LAMA3: variants seen among roughly 807,000 people sequenced by gnomAD.
LAMA3 encodes laminin subunit alpha 3, also known as laminin subunit alpha-3.
A neutral mutation model predicts 402.0 loss-of-function variants in LAMA3; 281 were observed. The ratio of observed to expected loss-of-function variants is 0.70; its 90% confidence interval spans 0.63 to 0.77. The LOEUF is 0.77. Ranked by LOEUF, LAMA3 falls within the 30% of genes least tolerant of loss-of-function variation. LAMA3 has a pLI of 0.00. For missense variants in LAMA3, 3,840 were observed against 4,215.5 expected (o/e 0.91, Z 2.47); for synonymous variants, 1,431 against 1,558.4 (o/e 0.92, Z 1.93).
intron 2 of LAMA3, among the ~76,000 whole-genome samples, chr18:23,724,216 C>T (rs556671992): frequency 6.6e-6 from 1 of 152,236 alleles, no homozygotes; most frequent in South Asian, 2.1e-4. Context: ...TAATTCATTC[C>T]TTTTTATGGC....
chr18:23,815,588 T>C lies in LAMA3; in HGVS notation c.2047+15T>C. On this transcript the variant is annotated intron_variant, in intron 17 of 74. Transcript: ENST00000313654. ...TGGGTGTCAAGGTAAATAAGTCCATTGGGCCCTGAGCAAAGCACAGTGTTG... is the reference window on the plus strand; with the variant it reads ...TGGGTGTCAAGGTAAATAAGTCCATCGGGCCCTGAGCAAAGCACAGTGTTG... 6.5e-7 allele frequency: 1 copy of C among 1,540,850 alleles called. No individual in the cohort carries two copies. Among genetic ancestry groups the C allele is most frequent in the Non-Finnish European group, 9.0e-7 (1 of 1,113,228 alleles).
chr18:23,773,667 T>C (rs1193914618), intron 9 of LAMA3, 80 bp downstream of exon 9: 11 of 874,302 alleles, frequency 1.3e-5, no homozygotes, highest in Non-Finnish European at 1.9e-5. Flanking sequence ...TTGGATCAGT[T>C]AATAACTTCC....
chr18:23,693,659 T>G (rs2060634031), intron 1 of LAMA3, among the ~76,000 whole-genome samples: 1 of 152,258 alleles, frequency 6.6e-6, no homozygotes, highest in Non-Finnish European at 1.5e-5. Context: ...GTTTTAGTAC[T>G]GTTTTAATAA....
chr18:23,709,581 C>G (rs919105167), intron 1 of LAMA3, among the ~76,000 whole-genome samples: 1 of 151,916 alleles, frequency 6.6e-6, no homozygotes, highest in Non-Finnish European at 1.5e-5. Flanking sequence ...ATATATAAGA[C>G]CTTTTATTTT....
chr18:23,749,588 T>G, intron 4 of LAMA3, 42 bp downstream of exon 4: 1 of 1,176,682 alleles, frequency 8.5e-7, no homozygotes, highest in Non-Finnish European at 1.3e-6. Context: ...GACTCAGAAA[T>G]GACCATGAGG....
At chr18:23,755,033 G>C (rs938406631) in intron 6 of LAMA3, among the ~76,000 whole-genome samples, 32 of 152,338 alleles carry the variant, frequency 2.1e-4, no homozygotes, top group African/African-American at 7.5e-4. Context: ...TGTTGAGAGA[G>C]CTTACGCACA....
intron 7 of LAMA3, among the ~76,000 whole-genome samples, chr18:23,761,700 TA>T (rs2061972922): frequency 6.6e-6 from 1 of 152,260 alleles, no homozygotes; most frequent in East Asian, 1.9e-4. Flanking sequence ...CATTTGGATG[TA>T]TTTTTTTTGA....
At chr18:23,730,022 T>C (rs941202538) in intron 2 of LAMA3, among the ~76,000 whole-genome samples, 1 of 152,336 alleles carries the variant, frequency 6.6e-6, no homozygotes, top group Non-Finnish European at 1.5e-5. Flanking sequence ...CAAAGATCCA[T>C]TTGGACAATC....
intron 2 of LAMA3, among the ~76,000 whole-genome samples, chr18:23,744,470 G>C (rs138035394): frequency 1.3e-5 from 2 of 152,276 alleles, no homozygotes; most frequent in Admixed American, 1.3e-4. Context: ...TGGGTGGCAG[G>C]ATACTGTAAC....
intron 2 of LAMA3, among the ~76,000 whole-genome samples, chr18:23,715,061 CTA>C (rs1461727019): frequency 2.0e-5 from 3 of 151,988 alleles, no homozygotes; most frequent in Non-Finnish European, 4.4e-5. Flanking sequence ...ATAGGCAAAT[CTA>C]TAGAGAGAAA....
chr18:23,914,688 T>C lies in LAMA3; in HGVS notation c.7482-10T>C, dbSNP rs1260261410. On this transcript the variant is annotated splice_polypyrimidine_tract_variant and intron_variant, in intron 57 of 74. Transcript: ENST00000313654. The stretch of plus-strand genomic sequence containing the variant: ...TGTTTAACTTTATTATCTAAATTCA[T>C]TTTAAACAGAATTTATCAGTTTGCA... 6.2e-7 allele frequency: 1 copy of C among 1,608,482 alleles called. No individual in the cohort carries two copies. The highest frequency in any genetic ancestry group is 8.5e-7 in the Non-Finnish European group (1 of 1,176,346).
chr18:23,939,434 G>A (rs1263882499), intron 68 of LAMA3, 48 bp downstream of exon 68: 2 of 1,584,830 alleles, frequency 1.3e-6, no homozygotes, highest in Non-Finnish European at 1.7e-6. Flanking sequence ...ACCTGACTCT[G>A]CGATTCCACC....
chr18:23,873,183 C>T lies in LAMA3; in HGVS notation c.4998+1522C>T, dbSNP rs367651246. On this transcript the variant is annotated intron_variant, in intron 38 of 74. Coordinates refer to ENST00000313654, the MANE Select transcript of LAMA3 (RefSeq NM_198129.4). Reference sequence around the variant, plus strand: ...TCAGCCTCCCGGTCAAAGTCAACTGCAAGCGAGTTATGTGGAGTTTAGACC... The same window carrying T: ...TCAGCCTCCCGGTCAAAGTCAACTGTAAGCGAGTTATGTGGAGTTTAGACC... 4.3e-6 allele frequency: 7 copies of T among 1,614,234 alleles called. No homozygotes were observed. Among genetic ancestry groups the T allele is most frequent in the Non-Finnish European group, 5.9e-6 (7 of 1,180,024 alleles).
intron 5 of LAMA3, among the ~76,000 whole-genome samples, chr18:23,751,943 C>T (rs1210900138): frequency 1.3e-5 from 2 of 152,134 alleles, no homozygotes; most frequent in Admixed American, 6.5e-5. Context: ...CTCCTGGGCA[C>T]AGGACAGGGT....
intron 13 of LAMA3, among the ~76,000 whole-genome samples, chr18:23,811,105 C>T (rs1169737632): frequency 6.6e-6 from 1 of 152,084 alleles, no homozygotes; most frequent in African/African-American, 2.4e-5. Context: ...AGATGAAAAC[C>T]AAGCCTGCAG....
intron 1 of LAMA3, among the ~76,000 whole-genome samples, chr18:23,701,186 G>T (rs942237751): frequency 2.0e-5 from 3 of 152,168 alleles, no homozygotes; most frequent in African/African-American, 4.8e-5. Flanking sequence ...GTGACCAAAA[G>T]AATAACTCTC....
intron 27 of LAMA3, among the ~76,000 whole-genome samples, chr18:23,840,755 T>G (rs1010733575): frequency 1.3e-5 from 2 of 152,192 alleles, no homozygotes; most frequent in Admixed American, 1.3e-4. Context: ...ACTTTTAAAG[T>G]TCTGCATTAT....
chr18:23,824,760 G>A (rs2063349179), intron 21 of LAMA3, among the ~76,000 whole-genome samples, 195 bp downstream of exon 21: 1 of 152,180 alleles, frequency 6.6e-6, no homozygotes, highest in South Asian at 2.1e-4. Context: ...TCAACTTGAA[G>A]TATCTTTTGT....
intron 70 of LAMA3, among the ~76,000 whole-genome samples, chr18:23,947,812 C>CTTTTTTT (rs35106056): frequency 9.0e-6 from 1 of 110,498 alleles, no homozygotes; most frequent in African/African-American, 2.9e-5. Context: ...TTCCTATTTT[C>CTTTTTTT]TTTTTTTTTT....
Sources: gnomAD v4.1 joint callset for allele counts (sites outside exome capture counted in the v4.1 genomes callset) on GRCh38, gnomAD v4.1.1 for gene constraint, MANE v1.5 for transcripts, NCBI Gene and HGNC (gene_info 2026-07-23, HGNC 2026-07-21) for gene names.